The following GALNT2 variants were observed in gnomAD, a reference collection of about 807,000 sequenced individuals.
GALNT2 encodes UDP-GalNAc:polypeptide N-acetylgalactosaminyltransferase 2.
In GALNT2, 31 loss-of-function variants were observed where a neutral mutation model predicts 81.4. The ratio of observed to expected loss-of-function variants is 0.38; its 90% CI spans 0.29 to 0.51. The LOEUF (loss-of-function observed/expected upper bound fraction) is 0.51. GALNT2 is among the 20% of genes least tolerant of loss of function. The probability of loss-of-function intolerance (pLI) is 0.87; values close to 1 mark genes in which losing one functional copy is unlikely to be tolerated. For synonymous variants in GALNT2, 303 were observed against 287.4 expected (o/e 1.05, Z -0.55); for missense variants, 629 against 765.7 (o/e 0.82, Z 2.11).
chr1:230,276,272 G>A (rs1417676500), intron 15 of GALNT2, among the ~76,000 whole-genome samples: 3 of 152,002 alleles, frequency 2.0e-5, no homozygotes, highest in African/African-American at 4.8e-5. Context: ...GGCAGCTTGT[G>A]GACACACCCT....
At chr1:230,076,488 A>G (rs1483777975) in intron 1 of GALNT2, among the ~76,000 whole-genome samples, 2 of 152,170 alleles carry the variant, frequency 1.3e-5, no homozygotes, top group African/African-American at 4.8e-5. Flanking sequence ...AGGAAACCAG[A>G]GATCAGATGC....
At chr1:230,276,610 G>C (rs1057270197) in intron 15 of GALNT2, among the ~76,000 whole-genome samples, 9 of 152,164 alleles carry the variant, frequency 5.9e-5, no homozygotes, top group Admixed American at 2.0e-4. Context: ...TCTTTCACCT[G>C]TCTGTCTCCA....
chr1:230,187,179 G>C (rs925483866), intron 2 of GALNT2, among the ~76,000 whole-genome samples: 2 of 152,178 alleles, frequency 1.3e-5, no homozygotes, highest in African/African-American at 4.8e-5. Flanking sequence ...AGATCTAACA[G>C]GGCAGAGCAG....
At chr1:230,267,118 T>C (rs559195314) in intron 14 of GALNT2, among the ~76,000 whole-genome samples, 13 of 152,224 alleles carry the variant, frequency 8.5e-5, no homozygotes, top group Middle Eastern at 6.8e-3. Flanking sequence ...CCTAGACTCA[T>C]GTGCTGCTTC....
At chr1:230,216,154 C>G (rs1664384653) in intron 3 of GALNT2, among the ~76,000 whole-genome samples, 2 of 152,178 alleles carry the variant, frequency 1.3e-5, no homozygotes, top group South Asian at 4.1e-4. Flanking sequence ...ACAAACTGTC[C>G]TACTTCAACT....
At chr1:230,081,353 A>C (rs1465514608) in intron 1 of GALNT2, among the ~76,000 whole-genome samples, 2 of 151,814 alleles carry the variant, frequency 1.3e-5, no homozygotes, top group East Asian at 1.9e-4. Context: ...TCCCAATTCC[A>C]CCCTTAATCT....
intron 10 of GALNT2, among the ~76,000 whole-genome samples, chr1:230,253,883 G>GT (rs1209724911): frequency 6.6e-6 from 1 of 151,930 alleles, no homozygotes; most frequent in Non-Finnish European, 1.5e-5. Flanking sequence ...TGAGATCAGT[G>GT]TTTTTTAGCT....
intron 1 of GALNT2, among the ~76,000 whole-genome samples, chr1:230,116,445 G>C (rs1660849763): frequency 6.6e-6 from 1 of 152,156 alleles, no homozygotes; most frequent in African/African-American, 2.4e-5. Flanking sequence ...GGGCAGGATG[G>C]TCTCGATCTC....
chr1:230,198,662 A>C (rs776518203), intron 2 of GALNT2, among the ~76,000 whole-genome samples: 7 of 152,162 alleles, frequency 4.6e-5, no homozygotes, highest in Non-Finnish European at 8.8e-5. Context: ...GTAGGTCGGC[A>C]TGGGGTCGCA....
intron 1 of GALNT2, among the ~76,000 whole-genome samples, chr1:230,104,426 A>C (rs953450531): frequency 5.3e-5 from 8 of 152,110 alleles, no homozygotes; most frequent in Admixed American, 1.3e-4. Flanking sequence ...TTAGCCTGAT[A>C]ATCTTGATTC....
At chr1:230,166,340 A>G (rs899063825) in intron 1 of GALNT2, among the ~76,000 whole-genome samples, 2 of 152,222 alleles carry the variant, frequency 1.3e-5, no homozygotes, top group East Asian at 1.9e-4. Context: ...AGCGTCACTC[A>G]TGAGTTTCTT....
chr1:230,105,031 G>A lies in GALNT2; in HGVS notation c.126+37625G>A, dbSNP rs1434479544. On this transcript the variant is annotated intron_variant, in intron 1 of 15. Transcript: ENST00000366672. ...CGCTGTGGATTCAGACCACACCTTC[G>A]GCTCTGTTTGGGGCCCTTCCTGTAA... Among the ~76,000 whole-genome samples, 3 of 152,338 alleles carry A rather than the reference G, an allele frequency of 2.0e-5. No individual in the cohort carries two copies. In the East Asian group the frequency reaches 5.8e-4, roughly 29 times the overall value.
At chr1:230,118,370 G>A (rs114757559) in intron 1 of GALNT2, among the ~76,000 whole-genome samples, 359 of 152,328 alleles carry the variant, frequency 2.4e-3, no homozygotes, top group African/African-American at 4.6e-3. Flanking sequence ...AAATTCCAAC[G>A]AGTGCGCTCA....
intron 1 of GALNT2, among the ~76,000 whole-genome samples, chr1:230,144,167 T>C (rs559059304): frequency 3.3e-5 from 5 of 152,162 alleles, no homozygotes; most frequent in Admixed American, 6.5e-5. Context: ...CCGTGCTGCC[T>C]TCTGGGCCAC....
chr1:230,063,576 G>T (rs753017939), upstream of GALNT2, among the ~76,000 whole-genome samples: 1 of 152,106 alleles, frequency 6.6e-6, no homozygotes, highest in Admixed American at 6.5e-5. Flanking sequence ...CCTGCCCCAT[G>T]TACAATGGAA....
chr1:230,074,999 C>T (rs935213145), intron 1 of GALNT2, among the ~76,000 whole-genome samples: 4 of 152,134 alleles, frequency 2.6e-5, no homozygotes, highest in African/African-American at 9.7e-5. Context: ...CTGGGCCTCC[C>T]ATGCCCCTTC....
intron 1 of GALNT2, among the ~76,000 whole-genome samples, chr1:230,127,610 G>A (rs1433297448): frequency 2.0e-5 from 3 of 151,908 alleles, no homozygotes; most frequent in Admixed American, 6.6e-5. Flanking sequence ...TCTTGACCTC[G>A]TGATCCACCC....
intron 3 of GALNT2, among the ~76,000 whole-genome samples, chr1:230,211,082 A>G (rs1160554658): frequency 6.6e-6 from 1 of 152,198 alleles, no homozygotes; most frequent in African/African-American, 2.4e-5. Flanking sequence ...GTGATTGGAG[A>G]CCCAGGCAGG....
At chr1:230,132,526 G>A (rs1453927243) in intron 1 of GALNT2, among the ~76,000 whole-genome samples, 1 of 152,150 alleles carries the variant, frequency 6.6e-6, no homozygotes, top group Non-Finnish European at 1.5e-5. Flanking sequence ...TTCCTGCAGG[G>A]CCAGGCCTTG....
Sources: allele counts gnomAD v4.1 joint callset (sites outside exome capture counted in the v4.1 genomes callset), GRCh38; gene constraint gnomAD v4.1.1; transcripts MANE v1.5; gene names NCBI Gene and HGNC (gene_info 2026-07-23, HGNC 2026-07-21).